CHD9: variants seen among roughly 807,000 people sequenced by gnomAD.
CHD9 encodes ATP-dependent chromatin remodeler CHD9.
A neutral mutation model predicts 316.1 loss-of-function variants in CHD9; 77 were observed. The ratio of observed to expected loss-of-function variants is 0.24; its 90% CI spans 0.20 to 0.29. The LOEUF is 0.29. Ranked by LOEUF, CHD9 falls within the 10% of genes least tolerant of loss-of-function variation. The pLI is 1.00. For missense variants in CHD9, 2,763 were observed against 3,438.1 expected (o/e 0.80, Z 4.91); for synonymous variants, 1,129 against 1,158.3 (o/e 0.97, Z 0.51).
intron 3 of CHD9, among the ~76,000 whole-genome samples, chr16:53,217,049 G>C (rs191213062): frequency 6.6e-6 from 1 of 151,984 alleles, no homozygotes; most frequent in South Asian, 2.1e-4. Context: ...AAGTTTTGTC[G>C]GTTCCCCTTT....
At chr16:53,216,195 A>G (rs949612370) in intron 3 of CHD9, among the ~76,000 whole-genome samples, 11 of 152,232 alleles carry the variant, frequency 7.2e-5, no homozygotes, top group Non-Finnish European at 1.6e-4. Context: ...TAGAATTAAT[A>G]TAGTAAACTC....
intron 2 of CHD9, among the ~76,000 whole-genome samples, chr16:53,189,357 T>C (rs999962873): frequency 3.3e-5 from 5 of 152,040 alleles, no homozygotes; most frequent in Admixed American, 3.3e-4. Flanking sequence ...CTAGTTTGTT[T>C]TGTGTTTTTA....
chr16:53,108,283 C>G (rs2037530237), intron 1 of CHD9, among the ~76,000 whole-genome samples: 1 of 152,124 alleles, frequency 6.6e-6, no homozygotes, highest in African/African-American at 2.4e-5. Flanking sequence ...GGGTGGATCA[C>G]TTGAGCTCAT....
intron 1 of CHD9, among the ~76,000 whole-genome samples, chr16:53,127,089 G>A (rs559897764): frequency 6.6e-6 from 1 of 152,078 alleles, no homozygotes; most frequent in South Asian, 2.1e-4. Context: ...CTAGTAGCTG[G>A]GACTACAGGA....
At position 53,258,795 on chromosome 16, in the gene CHD9, T is replaced by G. The variant is rs778128200; in HGVS notation, c.4209+3016T>G. Among the ~76,000 whole-genome samples, 20 of 152,238 alleles carry G rather than the reference T, an allele frequency of 1.3e-4. No homozygotes were observed. In the Middle Eastern group the frequency reaches 0.01, roughly 78 times the overall value. On this transcript the variant is annotated intron_variant, in intron 19 of 38. Transcript: ENST00000447540. ...ATCCCCTAAAACTTGTTTTGAGAGA[T>G]TTTTATAAGGGCAGCCAGGTGGGTC...
At chr16:53,165,306 G>A (rs921571190) in intron 2 of CHD9, among the ~76,000 whole-genome samples, 7 of 152,166 alleles carry the variant, frequency 4.6e-5, no homozygotes, top group African/African-American at 1.7e-4. Context: ...TTTAGCTCCT[G>A]AGTGGCAATT....
At chr16:53,064,097 G>A (rs1182642356) in intron 1 of CHD9, among the ~76,000 whole-genome samples, 1 of 151,942 alleles carries the variant, frequency 6.6e-6, no homozygotes, top group Non-Finnish European at 1.5e-5. Flanking sequence ...GCCTCCCAAA[G>A]TTCTGGAATT....
chr16:53,086,111 G>A (rs894320670), intron 1 of CHD9, among the ~76,000 whole-genome samples: 3 of 152,088 alleles, frequency 2.0e-5, no homozygotes, highest in East Asian at 1.9e-4. Flanking sequence ...ACAGCCACAT[G>A]CCCAGAGCTT....
At chr16:53,314,764 A>C (rs2056752855) in intron 35 of CHD9, 59 bp from the exon 36 acceptor site, 1 of 1,304,570 alleles carries the variant, frequency 7.7e-7, no homozygotes, top group African/African-American at 1.5e-5. Flanking sequence ...TGCTTTATTG[A>C]ACCAATATTA....
intron 24 of CHD9, among the ~76,000 whole-genome samples, chr16:53,284,082 C>G (rs1415062596): frequency 6.6e-6 from 1 of 152,056 alleles, no homozygotes; most frequent in Non-Finnish European, 1.5e-5. Flanking sequence ...CCAAAGACAG[C>G]CAACTTAGAA....
chr16:53,079,443 T>G (rs2034826897), intron 1 of CHD9, among the ~76,000 whole-genome samples: 1 of 152,236 alleles, frequency 6.6e-6, no homozygotes, highest in Admixed American at 6.5e-5. Flanking sequence ...GAGTTATGTT[T>G]AGGCACTGTG....
chr16:53,116,713 C>T (rs2152636557), intron 1 of CHD9, among the ~76,000 whole-genome samples: 1 of 152,268 alleles, frequency 6.6e-6, no homozygotes, highest in East Asian at 1.9e-4. Context: ...ACCCAGTAAT[C>T]CCATTACTGA....
chr16:53,255,886 C>A, intron 19 of CHD9, 107 bp downstream of exon 19: 3 of 994,490 alleles, frequency 3.0e-6, no homozygotes, highest in Non-Finnish European at 4.5e-6. Context: ...CTGAATTAGC[C>A]AAGATGCAGT....
chr16:53,065,526 T>G (rs962767029), intron 1 of CHD9, among the ~76,000 whole-genome samples: 7 of 150,750 alleles, frequency 4.6e-5, no homozygotes, highest in Non-Finnish European at 7.4e-5. Context: ...TCTCAGTTAC[T>G]TGGGAGGCTG....
At chr16:53,201,244 T>G (rs1406825194) in intron 2 of CHD9, among the ~76,000 whole-genome samples, 4 of 152,244 alleles carry the variant, frequency 2.6e-5, no homozygotes, top group Admixed American at 6.5e-5. Context: ...AAAAATATAC[T>G]TTTGACTTAT....
At chr16:53,287,290 A>G (rs1037280707) in intron 26 of CHD9, among the ~76,000 whole-genome samples, 3 of 152,180 alleles carry the variant, frequency 2.0e-5, no homozygotes, top group African/African-American at 4.8e-5. Flanking sequence ...ATATTTTCAA[A>G]CTGAAATTGG....
chr16:53,267,762 A>G (rs916704493), intron 21 of CHD9, among the ~76,000 whole-genome samples, 165 bp from the exon 22 acceptor site: 6 of 152,186 alleles, frequency 3.9e-5, no homozygotes, highest in African/African-American at 2.4e-5. Flanking sequence ...AATAAAATAT[A>G]CTAGAAATTA....
chr16:53,262,264 A>G (rs1436924280), intron 19 of CHD9, among the ~76,000 whole-genome samples: 1 of 152,158 alleles, frequency 6.6e-6, no homozygotes, highest in Non-Finnish European at 1.5e-5. Flanking sequence ...GCCTATTTAC[A>G]GTGATTTAAA....
rs1001520493 is a variant in CHD9, at chr16:53,303,916, G to A, written c.5910G>A (p.Leu1970=). ...AATGTGGCCCTCATGATAGGGATTT[G>A]CTTATTGGTGCTGCCAAACACGGGG... The part of the protein sequence containing the change: ...WWECGPHDRD[L]LIGAAKHGVS... The change falls in exon 31 of 39, where the codon TTG becomes TTA. Residue 1970 remains leucine, a synonymous_variant. Coordinates refer to ENST00000447540, the MANE Select transcript of CHD9 (RefSeq NM_001308319.2). 1.1e-5 allele frequency: 17 copies of A among 1,613,996 alleles called. No individual in the cohort carries two copies. The highest frequency in any genetic ancestry group is 1.3e-5 in the Non-Finnish European group (15 of 1,179,876).
Sources: allele counts gnomAD v4.1 joint callset (sites outside exome capture counted in the v4.1 genomes callset), GRCh38; gene constraint gnomAD v4.1.1; transcripts MANE v1.5; gene names NCBI Gene and HGNC (gene_info 2026-07-23, HGNC 2026-07-21).